MATN2: variants seen among roughly 807,000 people sequenced by gnomAD.
MATN2 encodes matrilin-2.
Under a neutral mutation model 103.2 loss-of-function variants are expected in MATN2, and 69 were observed. The observed-to-expected ratio is 0.67, with a 90% CI of 0.55 to 0.82. The LOEUF (loss-of-function observed/expected upper bound fraction) is 0.82. Ranked by LOEUF, MATN2 falls within the 40% of genes least tolerant of loss-of-function variation. MATN2 has a pLI of 0.00. For synonymous variants in MATN2, 429 were observed against 450.2 expected (o/e 0.95, Z 0.60); for missense variants, 1,023 against 1,211.5 (o/e 0.84, Z 2.31).
chr8:97,906,037 T>C (rs1819158582), intron 2 of MATN2, among the ~76,000 whole-genome samples: 1 of 152,192 alleles, frequency 6.6e-6, no homozygotes, highest in South Asian at 2.1e-4. Context: ...CTTTCAATTC[T>C]TTTGGATATA....
At chr8:97,909,595 A>C (rs1819291723) in intron 2 of MATN2, among the ~76,000 whole-genome samples, 2 of 152,156 alleles carry the variant, frequency 1.3e-5, no homozygotes, top group Admixed American at 6.5e-5. Flanking sequence ...AGAGAACAGC[A>C]GGCAGGAGTA....
chr8:97,942,556 T>C (rs1810604486), intron 4 of MATN2, among the ~76,000 whole-genome samples: 1 of 152,210 alleles, frequency 6.6e-6, no homozygotes, highest in Non-Finnish European at 1.5e-5. Context: ...TGTCCTTACT[T>C]TTTAAAGTTA....
chr8:97,998,411 G>A (rs36191777), intron 7 of MATN2, among the ~76,000 whole-genome samples: 94,271 of 148,744 alleles, frequency 0.63, 30,764 homozygotes, highest in African/African-American at 0.76. Context: ...AGTCCCAACT[G>A]CTCAGGAGGC....
chr8:98,017,944 T>C (rs1364735494), intron 11 of MATN2, 50 bp from the exon 12 acceptor site: 1 of 1,601,634 alleles, frequency 6.2e-7, no homozygotes, highest in East Asian at 2.3e-5. Context: ...GTGAAGTCCA[T>C]GTGAAATGTA....
At chr8:97,911,010 A>C (rs1289253165) in intron 2 of MATN2, among the ~76,000 whole-genome samples, 2 of 152,066 alleles carry the variant, frequency 1.3e-5, no homozygotes, top group East Asian at 3.9e-4. Flanking sequence ...ATTTTTTGAG[A>C]CGTAGTCTAG....
chr8:97,963,417 A>G (rs1811377683), intron 5 of MATN2, among the ~76,000 whole-genome samples: 1 of 152,160 alleles, frequency 6.6e-6, no homozygotes, highest in African/African-American at 2.4e-5. Context: ...CAGGAAGCCC[A>G]CCTTGGCCCA....
intron 2 of MATN2, among the ~76,000 whole-genome samples, chr8:97,901,533 G>A (rs573719768): frequency 5.3e-4 from 81 of 152,246 alleles, no homozygotes; most frequent in East Asian, 9.7e-4. Context: ...GATTACAGGC[G>A]TGAGCCACTG....
chr8:97,913,527 C>T (rs1304470627), intron 2 of MATN2, among the ~76,000 whole-genome samples: 1 of 151,830 alleles, frequency 6.6e-6, no homozygotes, highest in East Asian at 1.9e-4. Flanking sequence ...GTTGGCCAGG[C>T]TGGTCTTGAA....
intron 2 of MATN2, among the ~76,000 whole-genome samples, chr8:97,889,079 C>A (rs1334165096): frequency 6.6e-6 from 1 of 152,194 alleles, no homozygotes; most frequent in African/African-American, 2.4e-5. Flanking sequence ...TTTACCACAA[C>A]TGTCATTCTA....
At chr8:98,019,338 C>T (rs1412730339) in intron 12 of MATN2, among the ~76,000 whole-genome samples, 1 of 152,110 alleles carries the variant, frequency 6.6e-6, no homozygotes, top group Non-Finnish European at 1.5e-5. Context: ...AGCCTGGAGA[C>T]CCAGGCAAGA....
intron 4 of MATN2, among the ~76,000 whole-genome samples, chr8:97,959,435 A>G (rs1361283811): frequency 6.6e-6 from 1 of 152,158 alleles, no homozygotes; most frequent in African/African-American, 2.4e-5. Flanking sequence ...TAGGTTTTGT[A>G]TTTCTTTGAT....
At position 98,007,231 on chromosome 8, in the gene MATN2, A is replaced by G. The variant is rs1813004444; in HGVS notation, c.1450+4A>G. 6.2e-7 allele frequency: 1 copy of G among 1,613,698 alleles called. No individual in the cohort carries two copies. The highest frequency in any genetic ancestry group is 8.5e-7 in the Non-Finnish European group (1 of 1,179,890). ...GAGGACCTCAAGACCTGCTCCCGTG[A>G]GTCCCTCCGCGCTCCTCTCATAGGG... On this transcript the variant is annotated splice_donor_region_variant and intron_variant, in intron 9 of 18. Transcript: ENST00000254898. This position sits in a 1 kb window ranked among gnomAD's most constrained non-coding sequence, Gnocchi z 4.2.
intron 5 of MATN2, among the ~76,000 whole-genome samples, chr8:97,963,808 C>T (rs1013720708): frequency 1.3e-5 from 2 of 152,086 alleles, no homozygotes; most frequent in African/African-American, 4.8e-5. Context: ...CCCTTTACAG[C>T]GGTTCACTAA....
chr8:98,007,548 C>T lies in MATN2; in HGVS notation c.1520C>T (p.Ala507Val), dbSNP rs768613138. ...YSCVNMDRSF[A>V]CQCPEGHVLR... ...TGTGTCAACATGGACAGATCCTTTG[C>T]CTGTCAGTGTCCTGAGGGACACGTG... The change falls in exon 10 of 19, where the codon GCC becomes GTC. Residue 507 changes from alanine to valine, a missense_variant. Ala to Val is a moderately conservative substitution (Grantham distance 64). Transcript: ENST00000254898. This position sits in a 1 kb window ranked among gnomAD's most constrained non-coding sequence, Gnocchi z 4.2. The T allele has an allele frequency of 6.2e-7, 1 of 1,613,576 alleles. No individual in the cohort carries two copies. Among genetic ancestry groups the T allele is most frequent in the Non-Finnish European group, 8.5e-7 (1 of 1,179,536 alleles).
intron 2 of MATN2, among the ~76,000 whole-genome samples, chr8:97,894,959 G>A (rs113019046): frequency 0.044 from 6,694 of 151,438 alleles, 150 homozygotes; most frequent in South Asian, 0.071. Context: ...TGCAACCTCC[G>A]CCTCCCGGGT....
intron 2 of MATN2, among the ~76,000 whole-genome samples, chr8:97,901,069 C>T (rs1385800622): frequency 2.0e-5 from 3 of 152,144 alleles, no homozygotes; most frequent in Non-Finnish European, 2.9e-5. Context: ...TCCTAGGTAC[C>T]GTTCATCTGT....
chr8:97,942,497 G>A (rs571294223), intron 4 of MATN2, among the ~76,000 whole-genome samples: 2 of 152,286 alleles, frequency 1.3e-5, no homozygotes, highest in South Asian at 4.2e-4. Context: ...GAGCCAGCAC[G>A]AGGTAGTCTA....
chr8:98,022,743 C>T (rs1288805511), intron 13 of MATN2, among the ~76,000 whole-genome samples: 1 of 151,972 alleles, frequency 6.6e-6, no homozygotes, highest in African/African-American at 2.4e-5. Context: ...TCAGCTCAGA[C>T]AGATCTGGAT....
chr8:98,007,263 T>C lies in MATN2; in HGVS notation c.1450+36T>C. 1 of 1,612,424 alleles carries C rather than the reference T, an allele frequency of 6.2e-7. No homozygotes were observed. The highest frequency in any genetic ancestry group is 1.1e-5 in the South Asian group (1 of 91,006). The stretch of plus-strand genomic sequence containing the variant: ...CCGCGCTCCTCTCATAGGGGAAGGT[T>C]TGCACCAGGAGTGAAACCTATGTGA... On this transcript the variant is annotated intron_variant, in intron 9 of 18. Coordinates refer to ENST00000254898, the MANE Select transcript of MATN2 (RefSeq NM_002380.5). This position sits in a 1 kb window ranked among gnomAD's most constrained non-coding sequence, Gnocchi z 4.2.
Sources: allele counts gnomAD v4.1 joint callset (sites outside exome capture counted in the v4.1 genomes callset), GRCh38; gene constraint gnomAD v4.1.1; non-coding constraint Gnocchi (gnomAD v3.1); transcripts MANE v1.5; gene names NCBI Gene and HGNC (gene_info 2026-07-23, HGNC 2026-07-21).